The following ANO1 variants were observed in gnomAD, a reference collection of about 807,000 sequenced individuals.
The protein encoded by ANO1 is anoctamin 1, also known as anoctamin-1.
ANO1 carries 59 observed loss-of-function variants against 124.0 expected under a neutral mutation model. The observed-to-expected ratio is 0.48, with a 90% CI of 0.39 to 0.59. ANO1 has a LOEUF of 0.59. Among genes scored for constraint, ANO1 ranks in the 20% least tolerant of loss-of-function variants. ANO1 has a pLI of 0.00. For synonymous variants in ANO1, 529 were observed against 532.0 expected, an observed-to-expected ratio of 0.99 and a Z score of 0.08; for missense variants, 1,059 against 1,328.0, an observed-to-expected ratio of 0.80 and a Z score of 3.15.
chr11:69,986,832 A>T (rs1238688363), intron 1 of ANO1, among the ~76,000 whole-genome samples: 1 of 152,104 alleles, frequency 6.6e-6, no homozygotes, highest in Non-Finnish European at 1.5e-5. Flanking sequence ...CCCAGTTCAG[A>T]GGTTATTAAA....
At chr11:70,062,067 C>T (rs11232341) in intron 1 of ANO1, among the ~76,000 whole-genome samples, 8,286 of 62,158 alleles carry the variant, frequency 0.13, 549 homozygotes, top group South Asian at 0.25. Flanking sequence ...TTCCTTCTTT[C>T]TTTTTTTTTT....
intron 1 of ANO1, chr11:70,065,475 CA>C (rs1857694024): frequency 1.3e-5 from 2 of 152,742 alleles, no homozygotes; most frequent in South Asian, 4.1e-4. Flanking sequence ...CTGTGGGGGC[CA>C]CCTTTCCAGC....
intron 24 of ANO1, among the ~76,000 whole-genome samples, chr11:70,184,468 A>T (rs1457324375): frequency 6.6e-6 from 1 of 151,866 alleles, no homozygotes; most frequent in East Asian, 1.9e-4. Context: ...AGTGAGCTTG[A>T]CTCTCCAAGC....
At chr11:70,020,492 G>C (rs1258188749) in intron 1 of ANO1, among the ~76,000 whole-genome samples, 2 of 152,218 alleles carry the variant, frequency 1.3e-5, no homozygotes, top group Non-Finnish European at 2.9e-5. Flanking sequence ...CTTGGCAGGA[G>C]GAGGAAAAGC....
At chr11:70,059,948 G>A (rs1293826545) in intron 1 of ANO1, among the ~76,000 whole-genome samples, 1 of 132,746 alleles carries the variant, frequency 7.5e-6, no homozygotes, top group African/African-American at 2.8e-5. Context: ...GGAGGCGTTG[G>A]CCTTTTTTTT....
intron 4 of ANO1, 121 bp downstream of exon 4, chr11:70,104,271 T>A: frequency 8.2e-7 from 1 of 1,214,118 alleles, no homozygotes. Flanking sequence ...TTGTAAGAGC[T>A]TTGTGGTTGC....
At chr11:69,992,376 A>C (rs1211344148) in intron 1 of ANO1, among the ~76,000 whole-genome samples, 1 of 152,182 alleles carries the variant, frequency 6.6e-6, no homozygotes, top group East Asian at 1.9e-4. Flanking sequence ...TACTCATGTC[A>C]TTCCCTTTAA....
At chr11:70,139,251 T>C (rs1326450038) in intron 11 of ANO1, among the ~76,000 whole-genome samples, 2 of 152,136 alleles carry the variant, frequency 1.3e-5, no homozygotes, top group Non-Finnish European at 2.9e-5. Flanking sequence ...CCGCCTCCCA[T>C]GTTCAAGTGA....
chr11:70,107,618 T>A (rs564885572), intron 5 of ANO1, among the ~76,000 whole-genome samples: 100 of 152,226 alleles, frequency 6.6e-4, no homozygotes, highest in South Asian at 1.2e-3. Flanking sequence ...GACCAGTTCT[T>A]CTCACCCCAG....
intron 1 of ANO1, among the ~76,000 whole-genome samples, chr11:70,044,609 A>G (rs1436398407): frequency 1.3e-5 from 2 of 152,202 alleles, no homozygotes; most frequent in African/African-American, 4.8e-5. Flanking sequence ...TAAATATAGA[A>G]GGAAACAATC....
intron 1 of ANO1, among the ~76,000 whole-genome samples, chr11:70,019,340 A>ACACACATGCACACACG (rs1182340686): frequency 1.3e-5 from 2 of 150,728 alleles, no homozygotes; most frequent in Admixed American, 6.7e-5. Context: ...ACGCACACAC[A>ACACACATGCACACACG]CATGCACACA....
At position 70,047,984 on chromosome 11, in the gene ANO1, C is replaced by A. The variant is rs896382227; in HGVS notation, c.59-30558C>A. 8.5e-5 allele frequency among the ~76,000 whole-genome samples: 13 copies of A among 152,224 alleles called. No homozygotes were observed. In the South Asian group the frequency reaches 1.9e-3, roughly 22 times the overall value. ...AGCCCGCTTCCAAATGCTCCAGCTT[C>A]CTGGATTCTGCTGAAACCTTCCTTG... On this transcript the variant is annotated intron_variant, in intron 1 of 27. Transcript: ENST00000531349.
intron 10 of ANO1, among the ~76,000 whole-genome samples, chr11:70,127,179 G>A (rs1464003761): frequency 6.6e-6 from 1 of 151,742 alleles, no homozygotes; most frequent in African/African-American, 2.4e-5. Context: ...CTTGCAGGAA[G>A]TGAGACATGA....
At chr11:70,112,846 A>G (rs1238173060) in intron 7 of ANO1, among the ~76,000 whole-genome samples, 1 of 152,178 alleles carries the variant, frequency 6.6e-6, no homozygotes, top group East Asian at 1.9e-4. Context: ...GGCGTGAGCC[A>G]CCGTGCCCAG....
intron 1 of ANO1, among the ~76,000 whole-genome samples, chr11:70,080,186 C>T (rs2044161089): frequency 6.6e-6 from 1 of 152,224 alleles, no homozygotes; most frequent in Admixed American, 6.5e-5. Context: ...TGTGTCTTAG[C>T]TCATTGAACT....
At chr11:70,185,334 C>G (rs2049069933) in intron 24 of ANO1, among the ~76,000 whole-genome samples, 1 of 152,220 alleles carries the variant, frequency 6.6e-6, no homozygotes. Flanking sequence ...GGGGATACTT[C>G]CTGCCACATG....
intron 1 of ANO1, among the ~76,000 whole-genome samples, chr11:70,002,136 C>T (rs908152152): frequency 6.6e-6 from 1 of 152,172 alleles, no homozygotes; most frequent in Non-Finnish European, 1.5e-5. Context: ...TTTTAATGTA[C>T]CTTTTCTATG....
intron 1 of ANO1, among the ~76,000 whole-genome samples, chr11:69,986,635 C>T (rs1399689028): frequency 1.3e-5 from 2 of 152,080 alleles, no homozygotes; most frequent in Non-Finnish European, 2.9e-5. Flanking sequence ...TACTATGACT[C>T]GAAATCATAA....
At chr11:70,073,826 A>C (rs112179047), upstream of ANO1, among the ~76,000 whole-genome samples, 1,504 of 151,068 alleles carry the variant, frequency 1.0e-2, 25 homozygotes, top group African/African-American at 0.035. Flanking sequence ...GGAGGAAAAA[A>C]AAATCCGCAC....
Sources: allele counts gnomAD v4.1 joint callset (sites outside exome capture counted in the v4.1 genomes callset), GRCh38; gene constraint gnomAD v4.1.1; transcripts MANE v1.5; gene names NCBI Gene and HGNC (gene_info 2026-07-23, HGNC 2026-07-21).